Variants in PCCA observed in about 807,000 individuals in gnomAD.
The protein encoded by PCCA is propionyl-CoA carboxylase alpha chain, mitochondrial.
A neutral mutation model predicts 101.3 loss-of-function variants in PCCA; 74 were observed. That is an observed-to-expected ratio of 0.73 (90% CI 0.61 to 0.89). The LOEUF (loss-of-function observed/expected upper bound fraction) is 0.89, where lower values mean the gene tolerates loss of function less well. Among genes scored for constraint, PCCA ranks in the 40% least tolerant of loss-of-function variants. The pLI is 0.00. For missense variants in PCCA, 891 were observed against 907.0 expected, an observed-to-expected ratio of 0.98 and a Z score of 0.23; for synonymous variants, 294 against 313.6, an observed-to-expected ratio of 0.94 and a Z score of 0.66.
chr13:100,346,584 A>G (rs1208848584), intron 18 of PCCA, among the ~76,000 whole-genome samples: 1 of 152,232 alleles, frequency 6.6e-6, no homozygotes, highest in Non-Finnish European at 1.5e-5. Flanking sequence ...ATATTACATT[A>G]ACTTAGTTGA....
chr13:100,112,057 G>A lies in PCCA; in HGVS notation c.296G>A (p.Ser99Asn), dbSNP rs2048369556. ...GCCATCCACAGTGATGTTGATGCTA[G>A]TTCTGTAAGTATATTTTTGCTTTGT... ...TVAIHSDVDA[S>N]SVHVKMADEA... The change falls in exon 4 of 24, where the codon AGT becomes AAT. Residue 99 changes from serine to asparagine, a missense_variant. Transcript: ENST00000376285. 4.4e-6 allele frequency: 7 copies of A among 1,608,198 alleles called. No individual in the cohort carries two copies. The highest frequency in any genetic ancestry group is 5.1e-6 in the Non-Finnish European group (6 of 1,176,296).
At position 100,170,306 on chromosome 13, in the gene PCCA, T is replaced by G. The variant is rs542488674; in HGVS notation, c.468+12966T>G. Among the ~76,000 whole-genome samples, 184 of 152,372 alleles carry G rather than the reference T, an allele frequency of 1.2e-3. 2 individuals carry two copies. In the Middle Eastern group the frequency reaches 0.017, roughly 14 times the overall value. ...GAAGTACATTGCTCGAGGATTTTTT[T>G]GGGTTAACTGAAGTAATGCTAGTTA... On this transcript the variant is annotated intron_variant, in intron 6 of 23. Transcript: ENST00000376285.
At chr13:100,097,139 G>A (rs1241304111) in intron 1 of PCCA, among the ~76,000 whole-genome samples, 1 of 152,086 alleles carries the variant, frequency 6.6e-6, no homozygotes, top group African/African-American at 2.4e-5. Flanking sequence ...ACTTTTGAAG[G>A]GTAGACACAC....
rs181481035 is a variant in PCCA, at chr13:100,321,005, C to A, written c.1430-9556C>A. ...AAGCAGTCCTCCTCCCTCAGCCTCC[C>A]AAAGGGCTGGGATTACAGGTGTGAG... On this transcript the variant is annotated intron_variant, in intron 16 of 23. Coordinates refer to ENST00000376285, the MANE Select transcript of PCCA (RefSeq NM_000282.4). Among the ~76,000 whole-genome samples the A allele has an allele frequency of 2.2e-4, 34 of 151,892 alleles. No individual in the cohort carries two copies. The East Asian group carries it at 5.3e-3, about 24-fold the overall frequency.
chr13:100,264,236 G>A (rs1347377406), intron 10 of PCCA, among the ~76,000 whole-genome samples: 1 of 146,292 alleles, frequency 6.8e-6, no homozygotes, highest in Non-Finnish European at 1.5e-5. Context: ...TGTGATATCT[G>A]TATATCATAT....
At chr13:100,379,701 A>G (rs1405953853) in intron 19 of PCCA, among the ~76,000 whole-genome samples, 1 of 152,058 alleles carries the variant, frequency 6.6e-6, no homozygotes, top group Non-Finnish European at 1.5e-5. Context: ...CAGGCAGGAG[A>G]GCGCTCTTGC....
rs752761437 is a variant in PCCA at position 100,302,999 on chromosome 13, G to A, written c.1284+1G>A. ...CCAAGAACCGTTACATCTACCTGGT[G>A]TAAGTCATTAAGCTGTAATACCAGC... On this transcript the variant is annotated splice_donor_variant, in intron 14 of 23. Transcript: ENST00000376285. LOFTEE classifies it high-confidence loss of function. 140 of 1,550,532 alleles carry A rather than the reference G, an allele frequency of 9.0e-5. No individual in the cohort carries two copies. Among genetic ancestry groups the A allele is most frequent in the Non-Finnish European group, 1.1e-4 (125 of 1,122,254 alleles).
chr13:100,135,171 A>T (rs2051010900), intron 4 of PCCA, among the ~76,000 whole-genome samples: 1 of 151,136 alleles, frequency 6.6e-6, no homozygotes, highest in African/African-American at 2.4e-5. Flanking sequence ...AGGTGGGAGG[A>T]TCATTGAGCC....
chr13:100,459,301 A>G (rs543353274), intron 21 of PCCA, among the ~76,000 whole-genome samples: 1 of 152,328 alleles, frequency 6.6e-6, no homozygotes, highest in African/African-American at 2.4e-5. Context: ...TTTTGGGATG[A>G]CACTATTCAA....
intron 6 of PCCA, among the ~76,000 whole-genome samples, chr13:100,165,827 T>A (rs1231410326): frequency 2.0e-5 from 3 of 151,964 alleles, no homozygotes; most frequent in Non-Finnish European, 4.4e-5. Context: ...AGGCCAGAAG[T>A]TTGAGGGTGT....
chr13:100,225,237 G>C (rs1271464254), intron 7 of PCCA, among the ~76,000 whole-genome samples: 25 of 152,306 alleles, frequency 1.6e-4, no homozygotes, highest in African/African-American at 5.3e-4. Flanking sequence ...ATGGGATTAT[G>C]TGATCTGTTC....
chr13:100,456,255 A>G (rs933230090), intron 21 of PCCA, among the ~76,000 whole-genome samples: 1 of 152,120 alleles, frequency 6.6e-6, no homozygotes, highest in Non-Finnish European at 1.5e-5. Context: ...TCTCTATGAC[A>G]TGGGACTGCA....
chr13:100,227,264 G>A (rs970799531), intron 7 of PCCA, among the ~76,000 whole-genome samples: 1 of 152,016 alleles, frequency 6.6e-6, no homozygotes, highest in Non-Finnish European at 1.5e-5. Context: ...GGCAGGAGCC[G>A]TTGTGCCCAG....
intron 12 of PCCA, among the ~76,000 whole-genome samples, chr13:100,278,740 A>C (rs1193840524): frequency 6.6e-6 from 1 of 152,190 alleles, no homozygotes; most frequent in Non-Finnish European, 1.5e-5. Context: ...GGCCTACCAA[A>C]GTGCTGGTAT....
chr13:100,096,611 T>C (rs916268154), intron 1 of PCCA, among the ~76,000 whole-genome samples: 7 of 152,218 alleles, frequency 4.6e-5, no homozygotes, highest in Admixed American at 4.6e-4. Flanking sequence ...AGACTGAAAG[T>C]TGGGCCTCTT....
At chr13:100,383,397 C>T (rs957953111) in intron 19 of PCCA, among the ~76,000 whole-genome samples, 2 of 151,992 alleles carry the variant, frequency 1.3e-5, no homozygotes, top group African/African-American at 2.4e-5. Context: ...GAGGCTAAGG[C>T]GGGAGGATCA....
intron 19 of PCCA, among the ~76,000 whole-genome samples, chr13:100,386,118 C>T (rs1317220960): frequency 6.6e-6 from 1 of 152,150 alleles, no homozygotes; most frequent in African/African-American, 2.4e-5. Context: ...GAAAAGGTAG[C>T]TCACTCCAAA....
At chr13:100,123,651 A>C (rs1486865646) in intron 4 of PCCA, among the ~76,000 whole-genome samples, 1 of 152,158 alleles carries the variant, frequency 6.6e-6, no homozygotes, top group Non-Finnish European at 1.5e-5. Context: ...ATTGACAAAG[A>C]GTAAATATGC....
intron 12 of PCCA, among the ~76,000 whole-genome samples, chr13:100,287,370 G>C (rs886492326): frequency 6.6e-6 from 1 of 151,894 alleles, no homozygotes; most frequent in Non-Finnish European, 1.5e-5. Flanking sequence ...TAAAATGACA[G>C]AATCTCTGGA....
Sources: gnomAD v4.1 joint callset for allele counts (sites outside exome capture counted in the v4.1 genomes callset) on GRCh38, gnomAD v4.1.1 for gene constraint, MANE v1.5 for transcripts, NCBI Gene and HGNC (gene_info 2026-07-23, HGNC 2026-07-21) for gene names.